The following SLC24A1 variants were observed in gnomAD, a reference collection of about 807,000 sequenced individuals.
SLC24A1 encodes solute carrier family 24 member 1.
In SLC24A1, 52 loss-of-function variants were observed where a neutral mutation model predicts 88.1. That is an observed-to-expected ratio of 0.59 (90% CI 0.47 to 0.74). The LOEUF is 0.74. Among genes scored for constraint, SLC24A1 ranks in the 30% least tolerant of loss-of-function variants. The pLI is 0.00. For synonymous variants in SLC24A1, 455 were observed against 498.0 expected (o/e 0.91, Z 1.15); for missense variants, 1,173 against 1,363.3 (o/e 0.86, Z 2.20).
At position 65,625,676 on chromosome 15, in the gene SLC24A1, T is replaced by A; in HGVS notation, c.1596T>A (p.Ala532=). The A allele has an allele frequency of 6.2e-7, 1 of 1,614,064 alleles. No individual in the cohort carries two copies. Among genetic ancestry groups the A allele is most frequent in the Non-Finnish European group, 8.5e-7 (1 of 1,179,898 alleles). ...NVGIGTIVGS[A]VFNILFVIGT... ...GCATTGGTACCATTGTGGGCTCTGC[T>A]GTGTTCAACATTCTCTTTGTCATTG... Residue 532 remains alanine (A), a synonymous_variant, in exon 2 of 10, where the codon GCT becomes GCA. Coordinates refer to ENST00000261892, the MANE Select transcript of SLC24A1 (RefSeq NM_004727.3).
At chr15:65,652,868 C>T in intron 9 of SLC24A1, 60 bp downstream of exon 9, 1 of 1,353,942 alleles carries the variant, frequency 7.4e-7, no homozygotes, top group Non-Finnish European at 1.0e-6. Context: ...ACTGCATTGG[C>T]TCTGTTCACT....
chr15:65,613,281 CA>C (rs1190671513), intron 2 of SLC24A1, among the ~76,000 whole-genome samples: 2 of 152,180 alleles, frequency 1.3e-5, no homozygotes, highest in Non-Finnish European at 2.9e-5. Flanking sequence ...CCCAGTCTGA[CA>C]GAGGAAAGGT....
At chr15:65,618,468 T>C (rs544891028), upstream of SLC24A1, among the ~76,000 whole-genome samples, 2 of 152,334 alleles carry the variant, frequency 1.3e-5, no homozygotes, top group South Asian at 2.1e-4. Context: ...TTTCAGTTTT[T>C]GCTACTACAA....
In SLC24A1 at chr15:65,624,332, C is replaced by T. The variant is rs374914977; in HGVS notation, c.252C>T (p.Ser84=). Residue 84 remains serine, a synonymous_variant, in exon 2 of 10, where the codon TCC becomes TCT. Coordinates refer to ENST00000261892, the MANE Select transcript of SLC24A1 (RefSeq NM_004727.3). ...GCAGCAGCCCTTCAAAACCTAGCTCCGAAATGGGGGGTAAGATGCTGGTAC... is the reference window on the plus strand; with the variant it reads ...GCAGCAGCCCTTCAAAACCTAGCTCTGAAATGGGGGGTAAGATGCTGGTAC... ...MMSSSPSKPS[S]EMGGKMLVPQ... is the part of the protein sequence containing the mutation. 66 of 1,613,524 alleles carry T rather than the reference C, an allele frequency of 4.1e-5. No individual in the cohort carries two copies. The highest frequency in any genetic ancestry group is 2.5e-4 in the East Asian group (11 of 44,880).
rs529425681 is a variant in SLC24A1, at chr15:65,624,067, T to C, written c.-14T>C. On this transcript the variant is annotated 5_prime_UTR_variant, in exon 2 of 10. Coordinates refer to ENST00000261892, the MANE Select transcript of SLC24A1 (RefSeq NM_004727.3). ...GAATGAGAGGCCTTCTGTAACCAGA[T>C]ATAACTGGCCAGCATGGGGAAATTG... The C allele has an allele frequency of 7.1e-6, 11 of 1,559,510 alleles. No individual in the cohort carries two copies. In the East Asian group the frequency reaches 2.5e-4, roughly 35 times the overall value.
intron 2 of SLC24A1, among the ~76,000 whole-genome samples, chr15:65,629,836 G>A (rs192985952): frequency 6.6e-6 from 1 of 152,350 alleles, no homozygotes; most frequent in Admixed American, 6.5e-5. Flanking sequence ...GGGATGCAAA[G>A]CAGAGAAAAG....
Position 65,624,789 on chromosome 15 carries a change from C to T in SLC24A1, c.709C>T (p.Leu237Phe), listed in dbSNP as rs766681351. Reference sequence around the variant, plus strand: ...CTATAAAATACTCGAAACCAACTCTCTTAAGAGAATAATGGAGGAAACCAC... The same window carrying T: ...CTATAAAATACTCGAAACCAACTCTTTTAAGAGAATAATGGAGGAAACCAC... Reference protein sequence around the residue: ...ATYKILETNSLKRIMEETTPT... With the variant: ...ATYKILETNSFKRIMEETTPT... The change falls in exon 2 of 10, where the codon CTT becomes TTT. Residue 237 changes from leucine (L) to phenylalanine (F), a missense_variant. By Grantham distance (22) the Leu-to-Phe change is conservative (BLOSUM62 0). Coordinates refer to ENST00000261892, the MANE Select transcript of SLC24A1 (RefSeq NM_004727.3). The T allele has an allele frequency of 7.4e-6, 12 of 1,613,888 alleles. No individual in the cohort carries two copies. The highest frequency in any genetic ancestry group is 1.1e-5 in the South Asian group (1 of 91,088).
chr15:65,625,690 TC>T lies in SLC24A1; in HGVS notation c.1611del (p.Phe538LeufsTer32). The T allele has an allele frequency of 6.2e-6, 10 of 1,614,060 alleles. No homozygotes were observed. The highest frequency in any genetic ancestry group is 7.6e-6 in the Non-Finnish European group (9 of 1,179,900). ...TIVGSAVFNILFVIGTCSLFS... is the reference protein window; with the variant it reads ...TIVGSAVFNIXFVIGTCSLFS... ...GTGGGCTCTGCTGTGTTCAACATTC[TC>T]TTTGTCATTGGCACTTGTTCCCTCT... On this transcript the variant is annotated frameshift_variant, in exon 2 of 10. Coordinates refer to ENST00000261892, the MANE Select transcript of SLC24A1 (RefSeq NM_004727.3). LOFTEE classifies it high-confidence loss of function.
At position 65,650,319 on chromosome 15, in the gene SLC24A1, A is replaced by T; in HGVS notation, c.2233-63A>T. On this transcript the variant is annotated intron_variant, in intron 6 of 9. Coordinates refer to ENST00000261892, the MANE Select transcript of SLC24A1 (RefSeq NM_004727.3). The surrounding 1 kb of genome is among the most constrained non-coding windows in gnomAD (Gnocchi z 4.1). The stretch of plus-strand genomic sequence containing the variant: ...AAGCACGCCAACAAAAAAATGGGGG[A>T]GTAACATAAGGAAAACAAGCAGAGC... 12 of 1,349,586 alleles carry T rather than the reference A, an allele frequency of 8.9e-6. No individual in the cohort carries two copies. The highest frequency in any genetic ancestry group is 1.2e-5 in the Non-Finnish European group (12 of 987,900). The allele number at this position is 1,349,586 out of a possible 1,614,324, so 83.6% of individuals were successfully genotyped here.
rs745599119 is a variant in SLC24A1, at chr15:65,654,087, A to G, written c.*8A>G. On this transcript the variant is annotated 3_prime_UTR_variant, in exon 10 of 10. Coordinates refer to ENST00000261892, the MANE Select transcript of SLC24A1 (RefSeq NM_004727.3). Reference sequence around the variant, plus strand: ...TGTCCTGTATCTGTCTGAATCAGTCACTCTTGCTCACAATGGGCATGGATC... The same window carrying G: ...TGTCCTGTATCTGTCTGAATCAGTCGCTCTTGCTCACAATGGGCATGGATC... The G allele has an allele frequency of 6.2e-7, 1 of 1,608,416 alleles. No individual in the cohort carries two copies. The highest frequency in any genetic ancestry group is 8.5e-7 in the Non-Finnish European group (1 of 1,175,996).
upstream of SLC24A1, among the ~76,000 whole-genome samples, chr15:65,619,202 G>A (rs954698906): frequency 6.6e-6 from 1 of 152,224 alleles, no homozygotes; most frequent in African/African-American, 2.4e-5. Flanking sequence ...TACTCTAACA[G>A]CAGTTCCATA....
At chr15:65,660,253 TTTAA>T, downstream of SLC24A1, 1 of 1,529,690 alleles carries the variant, frequency 6.5e-7, no homozygotes, top group South Asian at 1.2e-5. Flanking sequence ...GTTTTACATT[TTTAA>T]ACTCTCTCCA....
chr15:65,654,438 TC>T lies in SLC24A1; in HGVS notation c.*362del, dbSNP rs2075609047. The T allele has an allele frequency of 8.6e-7, 1 of 1,168,356 alleles. No homozygotes were observed. The highest frequency in any genetic ancestry group is 1.1e-6 in the Non-Finnish European group (1 of 938,544). 72.4% of individuals were successfully genotyped at this position (1,168,356 alleles called of 1,614,324 possible). On this transcript the variant is annotated 3_prime_UTR_variant, in exon 10 of 10. Coordinates refer to ENST00000261892, the MANE Select transcript of SLC24A1 (RefSeq NM_004727.3). ...TAAGACAAGCTCCTACGCTCACTGT[TC>T]CCTGATCATTCCAAAGGCTGCTGGC...
At chr15:65,617,897 G>C (rs1212328404), upstream of SLC24A1, among the ~76,000 whole-genome samples, 1 of 152,090 alleles carries the variant, frequency 6.6e-6, no homozygotes, top group African/African-American at 2.4e-5. Flanking sequence ...ACTAGAGACA[G>C]GGTCTTGCTA....
At chr15:65,647,023 C>T (rs1020121434) in intron 6 of SLC24A1, among the ~76,000 whole-genome samples, 1 of 152,186 alleles carries the variant, frequency 6.6e-6, no homozygotes, top group Non-Finnish European at 1.5e-5. Context: ...CATTCCATGT[C>T]CTGCTCTCCC....
chr15:65,622,677 G>C (rs1484580868), intron 1 of SLC24A1, among the ~76,000 whole-genome samples: 1 of 151,992 alleles, frequency 6.6e-6, no homozygotes, highest in African/African-American at 2.4e-5. Context: ...AGGATTCTTT[G>C]AGGGCCTTTC....
In SLC24A1 at chr15:65,655,160, C is replaced by T. The variant is rs1010917881; in HGVS notation, c.*1081C>T. On this transcript the variant is annotated 3_prime_UTR_variant, in exon 10 of 10. Coordinates refer to ENST00000261892, the MANE Select transcript of SLC24A1 (RefSeq NM_004727.3). Reference sequence around the variant, plus strand: ...TAATGGAATGTCCTGGCTCCACCCTCCAGCATGTTCTCACCCAACAATGAC... The same window carrying T: ...TAATGGAATGTCCTGGCTCCACCCTTCAGCATGTTCTCACCCAACAATGAC... The T allele has an allele frequency of 2.2e-5, 22 of 988,792 alleles. No individual in the cohort carries two copies. In the Admixed American group the frequency reaches 4.2e-4, roughly 19 times the overall value. 61.3% of individuals were successfully genotyped at this position (988,792 alleles called of 1,614,324 possible). A position where few individuals can be genotyped will look rare whatever the true frequency, so the allele number is the denominator to read the frequency against.
At chr15:65,637,144 G>C (rs554333488) in intron 2 of SLC24A1, among the ~76,000 whole-genome samples, 1 of 152,254 alleles carries the variant, frequency 6.6e-6, no homozygotes, top group South Asian at 2.1e-4. Flanking sequence ...ACAAGACTGT[G>C]AGTGTAAAGT....
chr15:65,645,315 T>G (rs147503431), intron 5 of SLC24A1, among the ~76,000 whole-genome samples: 1 of 152,374 alleles, frequency 6.6e-6, no homozygotes, highest in African/African-American at 2.4e-5. Context: ...GCCCTCTCTC[T>G]GTTCTGACTG....
Sources: gnomAD v4.1 joint callset for allele counts (sites outside exome capture counted in the v4.1 genomes callset) on GRCh38, gnomAD v4.1.1 for gene constraint, Gnocchi (gnomAD v3.1) non-coding constraint, MANE v1.5 for transcripts, NCBI Gene and HGNC (gene_info 2026-07-23, HGNC 2026-07-21) for gene names.